The following TPTE2 variants were observed in gnomAD, a reference collection of about 807,000 sequenced individuals.
TPTE2 encodes the protein phosphatidylinositol 3,4,5-trisphosphate 3-phosphatase TPTE2.
A neutral mutation model predicts 78.6 loss-of-function variants in TPTE2; 53 were observed. The observed-to-expected ratio is 0.67, with a 90% CI of 0.54 to 0.85. The LOEUF is 0.85. Ranked by LOEUF, TPTE2 falls within the 40% of genes least tolerant of loss-of-function variation. TPTE2 has a pLI of 0.00. For missense variants in TPTE2, 461 were observed against 623.0 expected (o/e 0.74, Z 2.77); for synonymous variants, 175 against 206.2 (o/e 0.85, Z 1.30).
intron 18 of TPTE2, among the ~76,000 whole-genome samples, chr13:19,425,332 C>T (rs550097133): frequency 1.9e-3 from 282 of 152,262 alleles, no homozygotes; most frequent in African/African-American, 6.5e-3. Context: ...AGGACCTATG[C>T]CTATATATAC....
intron 13 of TPTE2, among the ~76,000 whole-genome samples, chr13:19,446,390 G>T (rs1877833322): frequency 6.6e-6 from 1 of 152,092 alleles, no homozygotes; most frequent in South Asian, 2.1e-4. Context: ...TACTGAGAGG[G>T]ACTACAAATT....
chr13:19,434,040 A>C (rs984323112), intron 15 of TPTE2, among the ~76,000 whole-genome samples: 8 of 152,202 alleles, frequency 5.3e-5, no homozygotes. Context: ...CTTCTCCTAC[A>C]ACTTAAAACA....
chr13:19,471,189 T>C (rs1306053670), intron 6 of TPTE2, among the ~76,000 whole-genome samples: 23 of 152,170 alleles, frequency 1.5e-4, no homozygotes, highest in Admixed American at 1.5e-3. Context: ...ATTACAGGCG[T>C]GAACCACCAC....
At chr13:19,456,938 G>A (rs1473270888) in intron 10 of TPTE2, among the ~76,000 whole-genome samples, 2 of 152,106 alleles carry the variant, frequency 1.3e-5, no homozygotes, top group Non-Finnish European at 2.9e-5. Context: ...TCACTATAAG[G>A]CCATAATAAT....
intron 14 of TPTE2, among the ~76,000 whole-genome samples, chr13:19,437,144 C>T (rs957940951): frequency 2.6e-5 from 4 of 152,014 alleles, no homozygotes; most frequent in Admixed American, 2.0e-4. Flanking sequence ...AGTTACAACC[C>T]AGTAACTTTA....
chr13:19,482,764 T>C (rs1057156599), intron 3 of TPTE2, among the ~76,000 whole-genome samples: 1 of 151,674 alleles, frequency 6.6e-6, no homozygotes, highest in Non-Finnish European at 1.5e-5. Context: ...TAATTTTGCA[T>C]ATTTTTATCT....
intron 4 of TPTE2, among the ~76,000 whole-genome samples, chr13:19,476,687 T>A (rs1879960169): frequency 6.6e-6 from 1 of 152,188 alleles, no homozygotes; most frequent in Admixed American, 6.5e-5. Context: ...CCAGTCAGAA[T>A]GGCTATTACT....
chr13:19,506,398 C>T (rs1593407389), upstream of TPTE2, among the ~76,000 whole-genome samples: 1 of 151,608 alleles, frequency 6.6e-6, no homozygotes, highest in Non-Finnish European at 1.5e-5. Flanking sequence ...TGGTCTCGAT[C>T]TCCTGACCTC....
chr13:19,500,895 G>C (rs1340495769), intron 1 of TPTE2, among the ~76,000 whole-genome samples: 1 of 145,434 alleles, frequency 6.9e-6, no homozygotes, highest in Non-Finnish European at 1.5e-5. Flanking sequence ...TGTATATCTA[G>C]AAAACCCCAT....
At chr13:19,497,398 C>T (rs1367312288) in intron 1 of TPTE2, among the ~76,000 whole-genome samples, 6 of 133,614 alleles carry the variant, frequency 4.5e-5, no homozygotes, top group African/African-American at 1.3e-4. Flanking sequence ...TTAAATGTCC[C>T]TGTCTGACAG....
chr13:19,467,255 A>G, exon 7 of TPTE2: 2 of 1,593,306 alleles, frequency 1.3e-6, no homozygotes, highest in African/African-American at 1.4e-5. Flanking sequence ...CTTAATGTCA[A>G]AAAAAATGTA....
chr13:19,490,970 A>G (rs1415486866), intron 3 of TPTE2, among the ~76,000 whole-genome samples: 1 of 152,210 alleles, frequency 6.6e-6, no homozygotes, highest in African/African-American at 2.4e-5. Flanking sequence ...TGGAATAGGA[A>G]TAAGAAGCAT....
the TPTE2 span, among the ~76,000 whole-genome samples, chr13:19,549,323 C>A: frequency 6.6e-6 from 1 of 151,936 alleles, no homozygotes; most frequent in Non-Finnish European, 1.5e-5. Flanking sequence ...AACAATCAAC[C>A]CTATTAAAAA....
chr13:19,512,640 G>T (rs1018668523), intron 1 of TPTE2, among the ~76,000 whole-genome samples: 1 of 151,612 alleles, frequency 6.6e-6, no homozygotes, highest in Non-Finnish European at 1.5e-5. Flanking sequence ...GTGCAGTGGC[G>T]CTGTCTCAGC....
intron 1 of TPTE2, among the ~76,000 whole-genome samples, chr13:19,495,633 T>C (rs1332558955): frequency 1.3e-5 from 2 of 152,218 alleles, no homozygotes; most frequent in East Asian, 1.9e-4. Context: ...CTTGTGTGTA[T>C]GAATGCATGT....
chr13:19,508,704 A>T (rs902326762), intron 1 of TPTE2, among the ~76,000 whole-genome samples: 5 of 152,192 alleles, frequency 3.3e-5, no homozygotes, highest in African/African-American at 1.2e-4. Flanking sequence ...GCTATCTAAC[A>T]TCTAGAATAT....
At position 19,471,525 on chromosome 13, in the gene TPTE2, TAAAC is replaced by T. The variant is rs1460667195; in HGVS notation, c.392+2385_392+2388del. ...TATTTTAATCTTATAACAGTTTTCA[TAAAC>T]AAACAAGTAAAAAGGAAACTAATAA... On this transcript the variant is annotated intron_variant, in intron 6 of 19. Transcript: ENST00000400230. 2.4e-4 allele frequency among the ~76,000 whole-genome samples: 37 copies of T among 152,364 alleles called. No homozygotes were observed. The Middle Eastern group carries it at 0.01, about 42-fold the overall frequency.
intron 1 of TPTE2, among the ~76,000 whole-genome samples, chr13:19,516,131 T>C (rs1869775362): frequency 1.3e-5 from 2 of 152,204 alleles, no homozygotes; most frequent in Admixed American, 1.3e-4. Flanking sequence ...TGCTTTTTGG[T>C]AGATAGGAGC....
At chr13:19,500,345 A>G (rs1339757147) in intron 1 of TPTE2, among the ~76,000 whole-genome samples, 1 of 151,492 alleles carries the variant, frequency 6.6e-6, no homozygotes, top group African/African-American at 2.4e-5. Context: ...GAGACACAAC[A>G]AAAAAAGAGA....
Sources: gnomAD v4.1 joint callset for allele counts (sites outside exome capture counted in the v4.1 genomes callset) on GRCh38, gnomAD v4.1.1 for gene constraint, MANE v1.5 for transcripts, NCBI Gene and HGNC (gene_info 2026-07-23, HGNC 2026-07-21) for gene names.